Variants in SLC6A13 observed in about 807,000 individuals in gnomAD.
SLC6A13 encodes solute carrier family 6 member 13, also known as sodium- and chloride-dependent GABA transporter 2.
Under a neutral mutation model 72.9 loss-of-function variants are expected in SLC6A13, and 69 were observed. That is an observed-to-expected ratio of 0.95 (90% CI 0.78 to 1.16). The LOEUF is 1.16. Ranked by LOEUF, SLC6A13 falls within the 50% of genes most tolerant of loss-of-function variation. The probability of loss-of-function intolerance (pLI) is 0.00; values close to 1 mark genes in which losing one functional copy is unlikely to be tolerated. For missense variants in SLC6A13, 735 were observed against 760.5 expected (o/e 0.97, Z 0.39); for synonymous variants, 303 against 303.0 (o/e 1.00, Z 0.00).
chr12:261,657 T>G (rs1942930066), intron 1 of SLC6A13, among the ~76,000 whole-genome samples: 1 of 152,198 alleles, frequency 6.6e-6, no homozygotes. Context: ...CCGGGTGCAA[T>G]GGCTCACGCC....
rs769352322 is a variant in SLC6A13, at chr12:222,613, G to C, written c.1434C>G (p.Asp478Glu). Residue 478 changes from aspartate (D) to glutamate (E), a missense_variant, in exon 13 of 15, where the codon GAC becomes GAG. By Grantham distance (45) the Asp-to-Glu change is conservative (BLOSUM62 2). Coordinates refer to ENST00000343164, the MANE Select transcript of SLC6A13 (RefSeq NM_016615.5). ...AWVYGAKRFYDNIEDMIGYRP... is the reference protein window; with the variant it reads ...AWVYGAKRFYENIEDMIGYRP... ...TGTACCCAATCATGTCTTCGATGTT[G>C]TCGTAGAAGCGCTTGGCTCCTACCA... 6.2e-7 allele frequency: 1 copy of C among 1,607,814 alleles called. No homozygotes were observed. The highest frequency in any genetic ancestry group is 1.1e-5 in the South Asian group (1 of 89,896).
At chr12:228,716 C>A (rs1457828666) in intron 7 of SLC6A13, among the ~76,000 whole-genome samples, 1 of 152,188 alleles carries the variant, frequency 6.6e-6, no homozygotes, top group African/African-American at 2.4e-5. Flanking sequence ...CTTTCACGCT[C>A]ACCCCTACCA....
chr12:246,400 C>G (rs1942351927), intron 2 of SLC6A13, among the ~76,000 whole-genome samples: 1 of 152,022 alleles, frequency 6.6e-6, no homozygotes, highest in Admixed American at 6.5e-5. Context: ...TCGAAAATTA[C>G]CAGGAAAGCA....
rs116357087 is a variant in SLC6A13 at position 251,630 on chromosome 12, C to T, written c.203-7817G>A. Among the ~76,000 whole-genome samples, 981 of 152,054 alleles carry T rather than the reference C, an allele frequency of 6.5e-3. 14 individuals are homozygous for T. The highest frequency in any genetic ancestry group is 0.023 in the African/African-American group (953 of 41,478). ...AACCAGACATCATAAAAATTTAAAA[C>T]GCCTTCTCTTCTAAAGACACTGTTA... On this transcript the variant is annotated intron_variant, in intron 2 of 14. Transcript: ENST00000343164.
At chr12:223,438 G>T (rs936091840) in intron 11 of SLC6A13, among the ~76,000 whole-genome samples, 1 of 152,168 alleles carries the variant, frequency 6.6e-6, no homozygotes, top group Non-Finnish European at 1.5e-5. Context: ...TATTTTTTGG[G>T]ACAGAATATA....
intron 2 of SLC6A13, among the ~76,000 whole-genome samples, chr12:258,582 A>G (rs536948915): frequency 6.6e-6 from 1 of 152,222 alleles, no homozygotes; most frequent in East Asian, 1.9e-4. Context: ...GGGAGCCCCA[A>G]TCCTACAAGC....
chr12:242,196 G>A (rs902677018), intron 4 of SLC6A13, among the ~76,000 whole-genome samples: 17 of 152,116 alleles, frequency 1.1e-4, no homozygotes, highest in African/African-American at 2.4e-4. Context: ...TGAACTGTGC[G>A]GGTCCACTTA....
chr12:223,829 T>C, intron 11 of SLC6A13, 163 bp downstream of exon 11: 1 of 738,754 alleles, frequency 1.4e-6, no homozygotes, highest in South Asian at 1.8e-5. Flanking sequence ...AGGAGGGACC[T>C]GCCTACTTTG....
In SLC6A13 at chr12:255,562, G is replaced by A. The variant is rs779476230; in HGVS notation, c.202+4289C>T. On this transcript the variant is annotated intron_variant, in intron 2 of 14. Transcript: ENST00000343164. ...AATACAGAAATTGGCCGCGCGTGTT[G>A]GCGCGCGCCTGTAGTCCCAGCTACT... Among the ~76,000 whole-genome samples, 34 of 152,324 alleles carry A rather than the reference G, an allele frequency of 2.2e-4. No homozygotes were observed. The Middle Eastern group carries it at 0.01, about 46-fold the overall frequency.
chr12:256,210 G>A (rs965153920), intron 2 of SLC6A13, among the ~76,000 whole-genome samples: 3 of 152,148 alleles, frequency 2.0e-5, no homozygotes, highest in Admixed American at 6.5e-5. Context: ...ATGAGGACAG[G>A]GAATTGGTCC....
intron 2 of SLC6A13, among the ~76,000 whole-genome samples, chr12:244,400 G>T (rs1942278091): frequency 6.6e-6 from 1 of 152,174 alleles, no homozygotes; most frequent in Non-Finnish European, 1.5e-5. Context: ...TTATAAAAGT[G>T]AGTTTGGGCC....
In SLC6A13 at chr12:224,508, C is replaced by T. The variant is rs1187663658; in HGVS notation, c.1066G>A (p.Gly356Ser). 6.2e-7 allele frequency: 1 copy of T among 1,613,778 alleles called. No homozygotes were observed. The highest frequency in any genetic ancestry group is 8.5e-7 in the Non-Finnish European group (1 of 1,179,860). ...CGCGGGTAAGCGATGAAAGCCAGGCCAGGGCCTACGACAAGGAGCAGAGGA... is the reference window on the plus strand; with the variant it reads ...CGCGGGTAAGCGATGAAAGCCAGGCTAGGGCCTACGACAAGGAGCAGAGGA... ...PISEVAESGP[G>S]LAFIAYPRAV... is the part of the protein sequence containing the mutation. The change falls in exon 10 of 15, where the codon GGC (glycine) becomes AGC (serine). Residue 356 changes from glycine to serine, a missense_variant. Coordinates refer to ENST00000343164, the MANE Select transcript of SLC6A13 (RefSeq NM_016615.5).
At chr12:239,301 G>T (rs61906961) in intron 4 of SLC6A13, among the ~76,000 whole-genome samples, 11,752 of 61,220 alleles carry the variant, frequency 0.19, 673 homozygotes, top group Non-Finnish European at 0.32. Context: ...CACACGTGGG[G>T]TGTGTTGGAT....
chr12:226,377 C>G lies in SLC6A13; in HGVS notation c.1060+13G>C. ...CAGGCTCACTGCCTCCAGGCCTCCC[C>G]AGTAACACTCACCTGACTCGGCCAC... On this transcript the variant is annotated intron_variant, in intron 9 of 14. Transcript: ENST00000343164. 1 of 1,613,618 alleles carries G rather than the reference C, an allele frequency of 6.2e-7. No individual in the cohort carries two copies. The highest frequency in any genetic ancestry group is 1.7e-5 in the Admixed American group (1 of 60,010).
chr12:258,836 A>G (rs561277262), intron 2 of SLC6A13, among the ~76,000 whole-genome samples: 1 of 152,324 alleles, frequency 6.6e-6, no homozygotes, highest in South Asian at 2.1e-4. Context: ...CCCCTACAAC[A>G]TGCACACATT....
At chr12:227,444 G>A in intron 8 of SLC6A13, 121 bp downstream of exon 8, 18 of 1,516,122 alleles carry the variant, frequency 1.2e-5, no homozygotes, top group Non-Finnish European at 1.5e-5. Flanking sequence ...TGGATATGGG[G>A]GTGTAGACAG....
Position 245,595 on chromosome 12 carries a change from G to A in SLC6A13, c.203-1782C>T, listed in dbSNP as rs151308481. 6.5e-3 allele frequency among the ~76,000 whole-genome samples: 987 copies of A among 151,592 alleles called. 5 individuals carry two copies. The highest frequency in any genetic ancestry group is 8.7e-3 in the Admixed American group (132 of 15,238). ...CTTGGGAGGCTGAGGCAGGAGAATTGCTTGAACCTGGGAGGCAGAGGTTGC... is the reference window on the plus strand; with the variant it reads ...CTTGGGAGGCTGAGGCAGGAGAATTACTTGAACCTGGGAGGCAGAGGTTGC... On this transcript the variant is annotated intron_variant, in intron 2 of 14. Coordinates refer to ENST00000343164, the MANE Select transcript of SLC6A13 (RefSeq NM_016615.5).
chr12:249,488 T>G (rs1942465733), intron 2 of SLC6A13, among the ~76,000 whole-genome samples: 1 of 152,030 alleles, frequency 6.6e-6, no homozygotes, highest in Non-Finnish European at 1.5e-5. Flanking sequence ...TAAGAAAAGA[T>G]ATGAAGAACT....
chr12:224,568 G>T, intron 9 of SLC6A13, 55 bp from the exon 10 acceptor site: 1 of 1,454,510 alleles, frequency 6.9e-7, no homozygotes, highest in African/African-American at 1.4e-5. Context: ...TCCAGGCTGT[G>T]GGTGACCCAT....
Sources: gnomAD v4.1 joint callset for allele counts (sites outside exome capture counted in the v4.1 genomes callset) on GRCh38, gnomAD v4.1.1 for gene constraint, MANE v1.5 for transcripts, NCBI Gene and HGNC (gene_info 2026-07-23, HGNC 2026-07-21) for gene names.